DCAF1: variants seen among roughly 807,000 people sequenced by gnomAD.
DCAF1 encodes the protein DDB1- and CUL4-associated factor 1.
DCAF1 carries 15 observed loss-of-function variants against 128.0 expected under a neutral mutation model. The observed-to-expected ratio is 0.12, with a 90% CI of 0.08 to 0.18. The LOEUF (loss-of-function observed/expected upper bound fraction) is 0.18. Ranked by LOEUF, DCAF1 falls within the 10% of genes least tolerant of loss-of-function variation. The probability of loss-of-function intolerance (pLI) is 1.00; values close to 1 mark genes in which losing one functional copy is unlikely to be tolerated. For missense variants in DCAF1, 988 were observed against 1,649.5 expected (o/e 0.60, Z 6.95); for synonymous variants, 610 against 603.0 (o/e 1.01, Z -0.17).
At chr3:51,499,319 G>T (rs1355493846) in intron 1 of DCAF1, among the ~76,000 whole-genome samples, 1 of 152,210 alleles carries the variant, frequency 6.6e-6, no homozygotes, top group Non-Finnish European at 1.5e-5. Context: ...TCATGGGGAT[G>T]GGAGGAGCGC....
At chr3:51,434,480 C>T (rs1700647819) in intron 9 of DCAF1, among the ~76,000 whole-genome samples, 1 of 152,140 alleles carries the variant, frequency 6.6e-6, no homozygotes. Context: ...GCAGTTTTTG[C>T]CTTTGAAAGC....
Position 51,466,791 on chromosome 3 carries a change from A to C in DCAF1, c.261+12T>G, listed in dbSNP as rs147366338. On this transcript the variant is annotated intron_variant, in intron 5 of 24. Transcript: ENST00000684031. ...ATGATAATCGCTGGAGAAAAGTAAGAAGCAAACCTACTGCATTCATGAAAT... is the reference window on the plus strand; with the variant it reads ...ATGATAATCGCTGGAGAAAAGTAAGCAGCAAACCTACTGCATTCATGAAAT... 1.2e-4 allele frequency: 197 copies of C among 1,612,736 alleles called. 2 individuals carry two copies. In the South Asian group the frequency reaches 1.7e-3, roughly 14 times the overall value.
At chr3:51,419,584 T>C (rs1577086184) in intron 15 of DCAF1, 150 bp downstream of exon 15, 12 of 1,372,166 alleles carry the variant, frequency 8.7e-6, no homozygotes, top group Non-Finnish European at 1.1e-5. Flanking sequence ...GAACCCATGG[T>C]TGACAAAAGG....
Position 51,475,777 on chromosome 3 carries a change from C to T in DCAF1, c.111-4772G>A, listed in dbSNP as rs1281232838. Among the ~76,000 whole-genome samples the T allele has an allele frequency of 7.2e-5, 11 of 152,022 alleles. No homozygotes were observed. In the South Asian group the frequency reaches 8.3e-4, roughly 11 times the overall value. ...TCAGGAGGCTGAGGCAGGAGAATGG[C>T]GTGAACCCAGGAGGCGGAGCTTGCA... On this transcript the variant is annotated intron_variant, in intron 3 of 24. Transcript: ENST00000684031.
intron 17 of DCAF1, 148 bp from the exon 18 acceptor site, chr3:51,417,019 A>G (rs1300680613): frequency 7.8e-7 from 1 of 1,280,144 alleles, no homozygotes; most frequent in Non-Finnish European, 1.1e-6. Flanking sequence ...TCATACACTT[A>G]GATTACAAAG....
chr3:51,464,162 C>T (rs1473887335), intron 5 of DCAF1, among the ~76,000 whole-genome samples: 2 of 151,968 alleles, frequency 1.3e-5, no homozygotes, highest in African/African-American at 2.4e-5. Flanking sequence ...GCCCCCACAC[C>T]ACTGCATATA....
Position 51,403,193 on chromosome 3 carries a change from T to A in DCAF1, c.4415A>T (p.Glu1472Val). The change falls in exon 24 of 25, where the codon GAG becomes GTG. Residue 1472 changes from glutamate (E) to valine (V), a missense_variant. This residue lies in a region of DCAF1 where 97 missense variants were observed against 134.5 expected (regional missense o/e 0.72). Transcript: ENST00000684031. ...ANLLEEGEDG[E>V]DEDSDADEEV... Reference sequence around the variant, plus strand: ...CTCATCTGCATCAGAGTCTTCATCCTCCCCGTCCTCTCCCTCCTCTAGAAG... The same window carrying A: ...CTCATCTGCATCAGAGTCTTCATCCACCCCGTCCTCTCCCTCCTCTAGAAG... 6.2e-7 allele frequency: 1 copy of A among 1,613,844 alleles called. No homozygotes were observed. The highest frequency in any genetic ancestry group is 8.5e-7 in the Non-Finnish European group (1 of 1,179,838).
At chr3:51,491,275 G>C in intron 2 of DCAF1, among the ~76,000 whole-genome samples, 1 of 151,186 alleles carries the variant, frequency 6.6e-6, no homozygotes, top group South Asian at 2.1e-4. Context: ...TTGAACCTAG[G>C]AGACGGAGGC....
intron 10 of DCAF1, among the ~76,000 whole-genome samples, chr3:51,431,689 T>C (rs1181430153): frequency 3.3e-5 from 5 of 152,124 alleles, no homozygotes; most frequent in Admixed American, 3.3e-4. Flanking sequence ...TGGTAGCCCA[T>C]GCCTATAATC....
At chr3:51,437,001 G>A (rs573926868) in intron 9 of DCAF1, among the ~76,000 whole-genome samples, 6 of 152,114 alleles carry the variant, frequency 3.9e-5, no homozygotes, top group East Asian at 1.9e-4. Context: ...AGCGGCTCAC[G>A]CCTTTAATCC....
At chr3:51,404,523 A>AGT (rs1260544459) in intron 23 of DCAF1, among the ~76,000 whole-genome samples, 123 of 152,358 alleles carry the variant, frequency 8.1e-4, no homozygotes, top group Non-Finnish European at 4.9e-4. Flanking sequence ...ACTAGAAACC[A>AGT]GTGTGTAACA....
Position 51,403,285 on chromosome 3 carries a change from G to A in DCAF1, c.4323C>T (p.Asp1441=), listed in dbSNP as rs377570231. 1.9e-6 allele frequency: 3 copies of A among 1,604,098 alleles called. No individual in the cohort carries two copies. Among genetic ancestry groups the A allele is most frequent in the Admixed American group, 1.7e-5 (1 of 58,330 alleles). ...CATCTTCCCCTGCGTTCTCATTATTGTCGTCCTCCTCCAACTCCGCCTCCA... is the reference window on the plus strand; with the variant it reads ...CATCTTCCCCTGCGTTCTCATTATTATCGTCCTCCTCCAACTCCGCCTCCA... The part of the protein sequence containing the change: ...QLLEAELEED[D]NNENAGEDGD... The change falls in exon 24 of 25, where the codon GAC becomes GAT. Residue 1441 remains aspartate, a synonymous_variant. Coordinates refer to ENST00000684031, the MANE Select transcript of DCAF1 (RefSeq NM_001387579.1).
At chr3:51,396,843 G>A (rs1553623131), downstream of DCAF1, 2 of 167,066 alleles carry the variant, frequency 1.2e-5, no homozygotes, top group Non-Finnish European at 2.9e-5. Flanking sequence ...TTCACTACTT[G>A]ATTGTTAACC....
intron 2 of DCAF1, among the ~76,000 whole-genome samples, 50 bp downstream of exon 2, chr3:51,496,684 T>C (rs1708269491): frequency 6.6e-6 from 1 of 152,034 alleles, no homozygotes; most frequent in Non-Finnish European, 1.5e-5. Flanking sequence ...CAGCTAGTAC[T>C]AGGTAGAAAA....
chr3:51,401,009 G>A (rs1553624710), intron 24 of DCAF1, among the ~76,000 whole-genome samples: 1 of 151,906 alleles, frequency 6.6e-6, no homozygotes, highest in Non-Finnish European at 1.5e-5. Flanking sequence ...GCGGGCGCCT[G>A]TAGTCCCAGC....
chr3:51,408,105 G>C (rs572984696), intron 23 of DCAF1, among the ~76,000 whole-genome samples: 1 of 151,502 alleles, frequency 6.6e-6, no homozygotes, highest in Non-Finnish European at 1.5e-5. Flanking sequence ...AGGCAGACTA[G>C]CAGCCTCAGG....
intron 18 of DCAF1, among the ~76,000 whole-genome samples, chr3:51,415,450 G>A (rs1553630057): frequency 6.6e-6 from 1 of 152,154 alleles, no homozygotes; most frequent in African/African-American, 2.4e-5. Flanking sequence ...AGCTGTGATC[G>A]TGCCACTGCA....
At chr3:51,499,036 G>A (rs936360520) in intron 1 of DCAF1, among the ~76,000 whole-genome samples, 1 of 152,194 alleles carries the variant, frequency 6.6e-6, no homozygotes, top group Non-Finnish European at 1.5e-5. Context: ...ACATGGCCAA[G>A]GACGAGTCAT....
At chr3:51,470,147 AAGC>A (rs1553647980) in intron 4 of DCAF1, among the ~76,000 whole-genome samples, 1 of 152,210 alleles carries the variant, frequency 6.6e-6, no homozygotes, top group African/African-American at 2.4e-5. Flanking sequence ...TCCTAACTAA[AAGC>A]AGGACACTGA....
Sources: gnomAD v4.1 joint callset for allele counts (sites outside exome capture counted in the v4.1 genomes callset) on GRCh38, gnomAD v4.1.1 for gene constraint, gnomAD v4.1.1 regional missense constraint, MANE v1.5 for transcripts, NCBI Gene and HGNC (gene_info 2026-07-23, HGNC 2026-07-21) for gene names.